WDFY4: variants seen among roughly 807,000 people sequenced by gnomAD.
WDFY4 encodes WD repeat- and FYVE domain-containing protein 4.
In WDFY4, 169 loss-of-function variants were observed where a neutral mutation model predicts 351.9. That is an observed-to-expected ratio of 0.48 (90% CI 0.42 to 0.55). WDFY4 has a LOEUF of 0.55. Ranked by LOEUF, WDFY4 falls within the 20% of genes least tolerant of loss-of-function variation. The pLI, the probability that WDFY4 is intolerant of heterozygous loss-of-function variation, is 0.00. For missense variants in WDFY4, 3,803 were observed against 3,935.6 expected, an observed-to-expected ratio of 0.97 and a Z score of 0.90; for synonymous variants, 1,622 against 1,574.6, an observed-to-expected ratio of 1.03 and a Z score of -0.71.
At chr10:48,724,141 C>T (rs1213388368) in intron 5 of WDFY4, among the ~76,000 whole-genome samples, 1 of 152,156 alleles carries the variant, frequency 6.6e-6, no homozygotes, top group Non-Finnish European at 1.5e-5. Flanking sequence ...TTCTGAGACT[C>T]TGAGCTCTCT....
At chr10:48,776,660 GGC>G in intron 15 of WDFY4, 88 bp from the exon 16 acceptor site, 5 of 1,263,794 alleles carry the variant, frequency 4.0e-6, no homozygotes, top group Admixed American at 2.8e-5. Flanking sequence ...TCTCTTTCTG[GGC>G]TGCGGCAGAT....
chr10:48,783,623 C>A (rs141004926), intron 19 of WDFY4, among the ~76,000 whole-genome samples: 1 of 151,994 alleles, frequency 6.6e-6, no homozygotes, highest in African/African-American at 2.4e-5. Context: ...AGATTAGCTA[C>A]CCTCCTACTA....
intron 1 of WDFY4, among the ~76,000 whole-genome samples, chr10:48,695,686 G>C (rs2063312914): frequency 1.3e-5 from 2 of 152,138 alleles, no homozygotes; most frequent in South Asian, 4.1e-4. Context: ...TCGGCTCCCA[G>C]TTTGGAGAGG....
intron 1 of WDFY4, among the ~76,000 whole-genome samples, chr10:48,701,640 C>G (rs185550895): frequency 3.3e-5 from 5 of 152,124 alleles, no homozygotes; most frequent in Non-Finnish European, 7.4e-5. Flanking sequence ...CTTGACCTGT[C>G]CCCAGCTGGT....
chr10:48,742,269 CTA>C (rs1473459259), intron 11 of WDFY4, among the ~76,000 whole-genome samples: 1 of 152,236 alleles, frequency 6.6e-6, no homozygotes, highest in Non-Finnish European at 1.5e-5. Context: ...TTGGCCTATG[CTA>C]TGTGTTATAC....
chr10:48,976,876 C>T lies in WDFY4; in HGVS notation c.9188C>T (p.Ala3063Val). 2 of 1,540,354 alleles carry T rather than the reference C, an allele frequency of 1.3e-6. No homozygotes were observed. Among genetic ancestry groups the T allele is most frequent in the Non-Finnish European group, 1.8e-6 (2 of 1,140,792 alleles). The change falls in exon 59 of 62, where the codon GCC (alanine) becomes GTC (valine). Residue 3063 changes from alanine to valine, a missense_variant. Ala to Val is a moderately conservative substitution (Grantham distance 64). This residue lies in a region of WDFY4 where 3,054 missense variants were observed against 3,148.6 expected (regional missense o/e 0.97). Transcript: ENST00000325239. ...NGQPLASITT[A>V]WGPEGAITCC... ...CAGCCCCTGGCCAGCATCACCACAG[C>T]CTGGGGCCCAGAAGGAGCCATAACC...
At chr10:48,706,113 T>C (rs1248482599) in intron 1 of WDFY4, among the ~76,000 whole-genome samples, 1 of 152,188 alleles carries the variant, frequency 6.6e-6, no homozygotes, top group Non-Finnish European at 1.5e-5. Context: ...AAAATGAACT[T>C]GTTCCAAAGA....
chr10:48,742,960 T>G lies in WDFY4; in HGVS notation c.1879-8T>G, dbSNP rs918333114. ...AGTGCACTCATTTTGATTTGCTTGG[T>G]GTTTCAGTCTCTGCTCCGGATCCTG... On this transcript the variant is annotated splice_region_variant and splice_polypyrimidine_tract_variant and intron_variant, in intron 11 of 61. Coordinates refer to ENST00000325239, the MANE Select transcript of WDFY4 (RefSeq NM_001394531.1). 5 of 1,538,302 alleles carry G rather than the reference T, an allele frequency of 3.3e-6. No homozygotes were observed. Among genetic ancestry groups the G allele is most frequent in the Non-Finnish European group, 3.5e-6 (4 of 1,141,170 alleles).
chr10:48,769,238 G>A (rs189611589), intron 13 of WDFY4, among the ~76,000 whole-genome samples: 1 of 152,074 alleles, frequency 6.6e-6, no homozygotes. Flanking sequence ...CCTAAACCAC[G>A]ATCATAAACT....
At chr10:48,768,748 A>G (rs991490542) in intron 13 of WDFY4, among the ~76,000 whole-genome samples, 3 of 151,822 alleles carry the variant, frequency 2.0e-5, no homozygotes, top group Non-Finnish European at 4.4e-5. Context: ...AGAGAGAGAG[A>G]GAGAGAGAAC....
chr10:48,762,883 T>G (rs1294771952), intron 13 of WDFY4, among the ~76,000 whole-genome samples: 2 of 152,216 alleles, frequency 1.3e-5, no homozygotes, highest in Non-Finnish European at 2.9e-5. Context: ...AGTCAGGGGC[T>G]CGGCTTAGAC....
chr10:48,883,324 G>A (rs2070328236), intron 43 of WDFY4, among the ~76,000 whole-genome samples: 1 of 152,214 alleles, frequency 6.6e-6, no homozygotes, highest in African/African-American at 2.4e-5. Flanking sequence ...GCCAAGGAAA[G>A]GAGGATGGGT....
At position 48,944,215 on chromosome 10, in the gene WDFY4, C is replaced by G. The variant is rs566130491; in HGVS notation, c.7749+766C>G. The stretch of plus-strand genomic sequence containing the variant: ...AGACACACAGAAAGGACAAGCTACT[C>G]TTGCTGTAACTTGAGTTCAGTGACA... On this transcript the variant is annotated intron_variant, in intron 49 of 61. Coordinates refer to ENST00000325239, the MANE Select transcript of WDFY4 (RefSeq NM_001394531.1). 1.3e-4 allele frequency among the ~76,000 whole-genome samples: 20 copies of G among 152,326 alleles called. No homozygotes were observed. In the East Asian group the frequency reaches 3.5e-3, roughly 26 times the overall value.
intron 43 of WDFY4, among the ~76,000 whole-genome samples, chr10:48,886,343 T>C (rs560898997): frequency 3.9e-5 from 6 of 152,348 alleles, no homozygotes; most frequent in Admixed American, 3.9e-4. Flanking sequence ...GTTGTCTCCC[T>C]GCTATGGTTT....
intron 12 of WDFY4, among the ~76,000 whole-genome samples, chr10:48,746,908 A>G (rs1475258861): frequency 6.6e-6 from 1 of 152,108 alleles, no homozygotes; most frequent in Non-Finnish European, 1.5e-5. Context: ...TATGACAGTT[A>G]TTGTTGTTGT....
At chr10:48,830,490 G>A (rs2068153049) in intron 37 of WDFY4, among the ~76,000 whole-genome samples, 1 of 152,182 alleles carries the variant, frequency 6.6e-6, no homozygotes, top group South Asian at 2.1e-4. Context: ...GTGGAGAAAG[G>A]CCAGCTTGCA....
chr10:48,966,857 T>G, intron 55 of WDFY4, 184 bp downstream of exon 55: 1 of 804,332 alleles, frequency 1.2e-6, no homozygotes, highest in Non-Finnish European at 1.9e-6. Context: ...GTCTAGGAGC[T>G]CCTCTGTTAG....
intron 43 of WDFY4, among the ~76,000 whole-genome samples, chr10:48,879,268 C>T (rs1293431312): frequency 2.6e-5 from 4 of 152,208 alleles, no homozygotes; most frequent in Non-Finnish European, 5.9e-5. Context: ...TTTTTAATTG[C>T]CATGGCCAGG....
chr10:48,768,043 G>A lies in WDFY4; in HGVS notation c.2554-6415G>A, dbSNP rs1477455388. 3.9e-5 allele frequency among the ~76,000 whole-genome samples: 6 copies of A among 152,190 alleles called. No homozygotes were observed. The East Asian group carries it at 1.2e-3, about 29-fold the overall frequency. On this transcript the variant is annotated intron_variant, in intron 13 of 61. Coordinates refer to ENST00000325239, the MANE Select transcript of WDFY4 (RefSeq NM_001394531.1). ...GGACTGTTGTACCAGGGCCTGGAATGGGTGTTAGGATACTGATTTGGATTA... is the reference window on the plus strand; with the variant it reads ...GGACTGTTGTACCAGGGCCTGGAATAGGTGTTAGGATACTGATTTGGATTA...
Sources: gnomAD v4.1 joint callset for allele counts (sites outside exome capture counted in the v4.1 genomes callset) on GRCh38, gnomAD v4.1.1 for gene constraint, gnomAD v4.1.1 regional missense constraint, MANE v1.5 for transcripts, NCBI Gene and HGNC (gene_info 2026-07-23, HGNC 2026-07-21) for gene names.